The following PDE4D variants were observed in gnomAD, a reference collection of about 807,000 sequenced individuals.
PDE4D encodes the protein phosphodiesterase 4D.
A neutral mutation model predicts 87.4 loss-of-function variants in PDE4D; 24 were observed. That is an observed-to-expected ratio of 0.27 (90% CI 0.20 to 0.39). PDE4D has a LOEUF of 0.39. Among genes scored for constraint, PDE4D ranks in the 10% least tolerant of loss-of-function variants. The pLI, the probability that PDE4D is intolerant of heterozygous loss-of-function variation, is 1.00. For synonymous variants in PDE4D, 384 were observed against 383.2 expected (o/e 1.00, Z -0.02); for missense variants, 714 against 1,041.0 (o/e 0.69, Z 4.32).
At chr5:60,104,659 A>G (rs1180708422) in intron 2 of PDE4D, among the ~76,000 whole-genome samples, 1 of 152,214 alleles carries the variant, frequency 6.6e-6, no homozygotes, top group Non-Finnish European at 1.5e-5. Context: ...CTCCTCTGAG[A>G]CAAAACTTCC....
In PDE4D at chr5:59,893,608, G is replaced by A; in HGVS notation, c.15C>T (p.Gly5=). 6.6e-7 allele frequency: 1 copy of A among 1,513,306 alleles called. No individual in the cohort carries two copies. The highest frequency in any genetic ancestry group is 8.8e-7 in the Non-Finnish European group (1 of 1,132,626). The allele number at this position is 1,513,306 out of a possible 1,614,324, so 93.7% of individuals were successfully genotyped here. A position where few individuals can be genotyped will look rare whatever the true frequency, so the allele number is the denominator to read the frequency against. The stretch of plus-strand genomic sequence containing the variant: ...TGCCCGCCCGGGCCGGCGCGCTGCT[G>A]CCCTCTGCCTCCATCCTGGCTCGCG... The part of the protein sequence containing the change: MEAE[G]SSAPARAGSG... The change falls in exon 1 of 15, where the codon GGC becomes GGT. Residue 5 remains glycine, a synonymous_variant. Coordinates refer to ENST00000340635, the MANE Select transcript of PDE4D (RefSeq NM_001104631.2).
chr5:60,493,246 G>GA (rs1749629185), intron 1 of PDE4D, among the ~76,000 whole-genome samples: 2 of 151,542 alleles, frequency 1.3e-5, no homozygotes, highest in African/African-American at 2.4e-5. Flanking sequence ...CTGCATGAGG[G>GA]AAAAAAAATA....
intron 1 of PDE4D, among the ~76,000 whole-genome samples, chr5:59,870,316 A>G (rs2152736250): frequency 6.6e-6 from 1 of 152,336 alleles, no homozygotes; most frequent in Admixed American, 6.5e-5. Flanking sequence ...TACCAAATCA[A>G]CTTAAATTCT....
chr5:59,623,508 T>TC (rs957728104), intron 1 of PDE4D, among the ~76,000 whole-genome samples: 5 of 152,174 alleles, frequency 3.3e-5, no homozygotes, highest in African/African-American at 1.2e-4. Context: ...GTTGTTCTGT[T>TC]CCATCTCCGA....
chr5:59,039,627 T>C, intron 5 of PDE4D: 1 of 515,622 alleles, frequency 1.9e-6, no homozygotes, highest in Non-Finnish European at 2.5e-6. Context: ...GCTGCCTGGC[T>C]CCTCCTCAAC....
At chr5:59,017,678 G>A (rs1246497487) in intron 6 of PDE4D, among the ~76,000 whole-genome samples, 1 of 152,052 alleles carries the variant, frequency 6.6e-6, no homozygotes, top group Non-Finnish European at 1.5e-5. Context: ...AATGTTTTTA[G>A]AATAGTCCAA....
intron 1 of PDE4D, among the ~76,000 whole-genome samples, chr5:60,357,311 G>C (rs1759703182): frequency 6.6e-6 from 1 of 151,948 alleles, no homozygotes; most frequent in African/African-American, 2.4e-5. Flanking sequence ...GAGCTTCATT[G>C]TATTTATGAA....
At chr5:59,704,429 G>A (rs995165868) in intron 1 of PDE4D, among the ~76,000 whole-genome samples, 1 of 152,098 alleles carries the variant, frequency 6.6e-6, no homozygotes, top group African/African-American at 2.4e-5. Context: ...TAATCTTTCT[G>A]CCATGGACAG....
At chr5:59,170,042 T>G (rs181279716) in intron 5 of PDE4D, among the ~76,000 whole-genome samples, 38 of 152,306 alleles carry the variant, frequency 2.5e-4, no homozygotes, top group Non-Finnish European at 4.4e-4. Context: ...GTAGCTTTTC[T>G]TACTCTGAGA....
chr5:59,451,273 G>A (rs1250890263), intron 1 of PDE4D, among the ~76,000 whole-genome samples: 2 of 152,086 alleles, frequency 1.3e-5, no homozygotes, highest in Non-Finnish European at 2.9e-5. Flanking sequence ...TTTCAGCTTT[G>A]TCTTCAAATA....
intron 1 of PDE4D, among the ~76,000 whole-genome samples, chr5:59,339,182 T>C (rs376623188): frequency 7.6e-4 from 116 of 152,344 alleles, no homozygotes; most frequent in Non-Finnish European, 1.1e-3. Flanking sequence ...ACACTATGAA[T>C]ATAAGAATAA....
At chr5:59,427,452 C>A (rs1303142805) in intron 1 of PDE4D, among the ~76,000 whole-genome samples, 3 of 151,798 alleles carry the variant, frequency 2.0e-5, no homozygotes, top group Admixed American at 6.6e-5. Flanking sequence ...GTAACAACAA[C>A]CAAGACGTGA....
At chr5:59,145,209 TG>T (rs1778457314) in intron 5 of PDE4D, among the ~76,000 whole-genome samples, 1 of 152,206 alleles carries the variant, frequency 6.6e-6, no homozygotes, top group Admixed American at 6.5e-5. Context: ...CTATCCCACA[TG>T]ACAGTAATGG....
At chr5:59,670,899 G>A (rs1434716204) in intron 1 of PDE4D, among the ~76,000 whole-genome samples, 2 of 151,948 alleles carry the variant, frequency 1.3e-5, no homozygotes, top group African/African-American at 4.8e-5. Flanking sequence ...TGAACTCTGG[G>A]TTCAAATGAT....
chr5:60,151,992 A>G (rs565620967), intron 2 of PDE4D, among the ~76,000 whole-genome samples: 2 of 152,292 alleles, frequency 1.3e-5, no homozygotes, highest in East Asian at 3.9e-4. Flanking sequence ...ATTAAGATGC[A>G]TCTATTAAGA....
At chr5:59,757,487 G>A (rs1459322697) in intron 1 of PDE4D, among the ~76,000 whole-genome samples, 1 of 152,162 alleles carries the variant, frequency 6.6e-6, no homozygotes, top group Non-Finnish European at 1.5e-5. Context: ...ATTCTATAAT[G>A]TGGAATTTGG....
chr5:59,346,492 A>G (rs954951465), intron 1 of PDE4D, among the ~76,000 whole-genome samples: 2 of 152,092 alleles, frequency 1.3e-5, no homozygotes, highest in African/African-American at 2.4e-5. Flanking sequence ...ATTCACTCCA[A>G]AATACAGGAT....
At chr5:59,748,639 C>T (rs548384090) in intron 1 of PDE4D, among the ~76,000 whole-genome samples, 77 of 111,728 alleles carry the variant, frequency 6.9e-4, no homozygotes, top group Non-Finnish European at 9.4e-4. Context: ...CATCACACAC[C>T]GGGGCCTATT....
chr5:59,335,498 G>A (rs936464819), intron 1 of PDE4D, among the ~76,000 whole-genome samples: 4 of 152,124 alleles, frequency 2.6e-5, no homozygotes, highest in African/African-American at 7.2e-5. Context: ...CCCTATGGGT[G>A]GTCACTGCTT....
Sources: gnomAD v4.1 joint callset for allele counts (sites outside exome capture counted in the v4.1 genomes callset) on GRCh38, gnomAD v4.1.1 for gene constraint, MANE v1.5 for transcripts, NCBI Gene and HGNC (gene_info 2026-07-23, HGNC 2026-07-21) for gene names.